Variants in ANKS1B observed in about 807,000 individuals in gnomAD.
ANKS1B encodes ankyrin repeat and sterile alpha motif domain-containing protein 1B.
A neutral mutation model predicts 148.3 loss-of-function variants in ANKS1B; 36 were observed. That is an observed-to-expected ratio of 0.24 (90% CI 0.19 to 0.32). The LOEUF (loss-of-function observed/expected upper bound fraction) is 0.32. ANKS1B is among the 10% of genes least tolerant of loss of function. ANKS1B has a pLI of 1.00. For synonymous variants in ANKS1B, 542 were observed against 560.8 expected (o/e 0.97, Z 0.47); for missense variants, 1,157 against 1,542.6 (o/e 0.75, Z 4.19).
chr12:98,998,676 A>G (rs889204136), intron 17 of ANKS1B, among the ~76,000 whole-genome samples: 3 of 152,210 alleles, frequency 2.0e-5, no homozygotes, highest in Non-Finnish European at 2.9e-5. Flanking sequence ...TGTCTATGTA[A>G]AAAAGAGGCA....
At chr12:98,791,195 A>G (rs1204165732) in intron 22 of ANKS1B, among the ~76,000 whole-genome samples, 1 of 152,100 alleles carries the variant, frequency 6.6e-6, no homozygotes, top group Non-Finnish European at 1.5e-5. Context: ...AAATACAAAA[A>G]TTAGCCGGAC....
At chr12:99,112,875 A>T (rs2060580562) in intron 15 of ANKS1B, among the ~76,000 whole-genome samples, 1 of 152,194 alleles carries the variant, frequency 6.6e-6, no homozygotes, top group African/African-American at 2.4e-5. Flanking sequence ...TTCATCAAAC[A>T]TTTATTAGTT....
chr12:99,640,063 T>C (rs757204691), intron 9 of ANKS1B, among the ~76,000 whole-genome samples: 62 of 152,140 alleles, frequency 4.1e-4, no homozygotes, highest in Middle Eastern at 3.4e-3. Flanking sequence ...TCCCAGCTAC[T>C]TGGGAGGCCG....
intron 14 of ANKS1B, among the ~76,000 whole-genome samples, chr12:99,162,675 C>T (rs2076781138): frequency 6.6e-6 from 1 of 152,038 alleles, no homozygotes; most frequent in African/African-American, 2.4e-5. Flanking sequence ...CGGATATATA[C>T]GTATATGGGA....
chr12:98,793,051 T>C (rs2098901726), intron 22 of ANKS1B, among the ~76,000 whole-genome samples: 1 of 152,224 alleles, frequency 6.6e-6, no homozygotes, highest in African/African-American at 2.4e-5. Context: ...ACTGTTTCCA[T>C]CATTGCTCTA....
At chr12:99,093,277 A>T (rs1420970126) in intron 15 of ANKS1B, 1 of 152,248 alleles carries the variant, frequency 6.6e-6, no homozygotes, top group African/African-American at 2.4e-5. Flanking sequence ...AGTGTATTCC[A>T]GAACCAAACA....
chr12:99,300,097 T>A (rs2081405279), intron 12 of ANKS1B, among the ~76,000 whole-genome samples: 1 of 152,166 alleles, frequency 6.6e-6, no homozygotes, highest in Non-Finnish European at 1.5e-5. Context: ...GCCAGCTGAT[T>A]ACTATGCTTT....
At chr12:99,425,700 TTTA>T (rs1207375717) in intron 11 of ANKS1B, among the ~76,000 whole-genome samples, 2 of 151,920 alleles carry the variant, frequency 1.3e-5, no homozygotes, top group African/African-American at 4.8e-5. Context: ...TTTCCTTTTA[TTTA>T]TTATTATTCT....
At chr12:99,837,949 C>A (rs1321038226) in intron 1 of ANKS1B, among the ~76,000 whole-genome samples, 1 of 148,728 alleles carries the variant, frequency 6.7e-6, no homozygotes, top group Non-Finnish European at 1.5e-5. Context: ...CCCACCTTTC[C>A]TAGCCTCCAA....
At chr12:99,864,576 T>C (rs1435253943) in intron 1 of ANKS1B, among the ~76,000 whole-genome samples, 3 of 152,174 alleles carry the variant, frequency 2.0e-5, no homozygotes, top group Non-Finnish European at 4.4e-5. Context: ...ATAGATCTTA[T>C]ATAGGTTCTA....
chr12:98,837,783 A>G (rs2099383703), intron 17 of ANKS1B, among the ~76,000 whole-genome samples: 1 of 152,200 alleles, frequency 6.6e-6, no homozygotes, highest in South Asian at 2.1e-4. Flanking sequence ...TATAAAATTA[A>G]ACATGTTTAA....
At chr12:99,612,880 G>C (rs1048188107) in intron 9 of ANKS1B, among the ~76,000 whole-genome samples, 2 of 152,072 alleles carry the variant, frequency 1.3e-5, no homozygotes, top group Non-Finnish European at 2.9e-5. Context: ...ACAGGACAAA[G>C]AGATATCTCA....
intron 12 of ANKS1B, among the ~76,000 whole-genome samples, chr12:99,342,225 G>T (rs1258963706): frequency 6.6e-6 from 1 of 152,040 alleles, no homozygotes; most frequent in African/African-American, 2.4e-5. Context: ...TTAAATGGGA[G>T]ATTTAAGCTA....
At chr12:99,359,370 A>T (rs1326265800) in intron 12 of ANKS1B, among the ~76,000 whole-genome samples, 2 of 152,114 alleles carry the variant, frequency 1.3e-5, no homozygotes, top group African/African-American at 4.8e-5. Flanking sequence ...CATACTCATT[A>T]TTCTCCAGGG....
intron 1 of ANKS1B, among the ~76,000 whole-genome samples, chr12:99,843,793 A>G (rs2086163330): frequency 6.6e-6 from 1 of 152,114 alleles, no homozygotes; most frequent in Non-Finnish European, 1.5e-5. Context: ...TGCTGGGTTG[A>G]ATGGTATTTC....
At chr12:98,839,180 T>C (rs1002026423) in intron 17 of ANKS1B, among the ~76,000 whole-genome samples, 2 of 152,212 alleles carry the variant, frequency 1.3e-5, no homozygotes, top group African/African-American at 4.8e-5. Context: ...TGAGTTGTAA[T>C]ATAAAGGGGA....
At chr12:99,068,690 G>A (rs1173855708) in intron 16 of ANKS1B, among the ~76,000 whole-genome samples, 18 of 142,932 alleles carry the variant, frequency 1.3e-4, no homozygotes, top group African/African-American at 3.8e-4. Context: ...ATGCAGGTGG[G>A]AGGGGTGGGG....
At chr12:99,726,790 C>T (rs1021571136) in intron 8 of ANKS1B, among the ~76,000 whole-genome samples, 1 of 152,170 alleles carries the variant, frequency 6.6e-6, no homozygotes, top group African/African-American at 2.4e-5. Context: ...ACTTATCCAC[C>T]ACAATCAAGT....
intron 15 of ANKS1B, among the ~76,000 whole-genome samples, chr12:99,126,542 T>G (rs1019015329): frequency 5.3e-5 from 8 of 152,252 alleles, no homozygotes; most frequent in African/African-American, 1.9e-4. Context: ...GAGTAAAACC[T>G]ATGCATGGCG....
Sources: allele counts gnomAD v4.1 joint callset (sites outside exome capture counted in the v4.1 genomes callset), GRCh38; gene constraint gnomAD v4.1.1; transcripts MANE v1.5; gene names NCBI Gene and HGNC (gene_info 2026-07-23, HGNC 2026-07-21).